COL23A1: variants seen among roughly 807,000 people sequenced by gnomAD.
COL23A1 encodes collagen alpha-1(XXIII) chain.
A neutral mutation model predicts 99.3 loss-of-function variants in COL23A1; 97 were observed. The observed-to-expected ratio is 0.98, with a 90% CI of 0.83 to 1.16. The LOEUF is 1.16. Among genes scored for constraint, COL23A1 ranks in the 50% most tolerant of loss-of-function variants. The pLI, the probability that COL23A1 is intolerant of heterozygous loss-of-function variation, is 0.00. For synonymous variants in COL23A1, 320 were observed against 308.2 expected (o/e 1.04, Z -0.40); for missense variants, 762 against 757.4 (o/e 1.01, Z -0.07).
At chr5:178,378,885 C>T (rs930329749) in intron 2 of COL23A1, among the ~76,000 whole-genome samples, 2 of 152,162 alleles carry the variant, frequency 1.3e-5, no homozygotes, top group African/African-American at 4.8e-5. Flanking sequence ...AGGCTCCACA[C>T]AGAGACCCCA....
intron 1 of COL23A1, among the ~76,000 whole-genome samples, chr5:178,581,874 A>G (rs1763677587): frequency 6.6e-6 from 1 of 152,166 alleles, no homozygotes; most frequent in Admixed American, 6.6e-5. Context: ...AGCAAGGTAA[A>G]AATGGTATGC....
intron 2 of COL23A1, among the ~76,000 whole-genome samples, chr5:178,499,725 T>C (rs549499695): frequency 1.4e-4 from 22 of 152,354 alleles, no homozygotes; most frequent in African/African-American, 5.3e-4. Flanking sequence ...AATGAAAGCA[T>C]GTGTTCATAC....
intron 4 of COL23A1, among the ~76,000 whole-genome samples, chr5:178,289,029 T>C (rs1409748113): frequency 6.6e-6 from 1 of 151,758 alleles, no homozygotes; most frequent in Non-Finnish European, 1.5e-5. Flanking sequence ...CTTCAGCAAG[T>C]TCACACACGC....
Position 178,514,672 on chromosome 5 carries a change from C to A in COL23A1, c.361+46010G>T, listed in dbSNP as rs554183868. Among the ~76,000 whole-genome samples, 3 of 152,300 alleles carry A rather than the reference C, an allele frequency of 2.0e-5. No homozygotes were observed. In the South Asian group the frequency reaches 6.2e-4, roughly 32 times the overall value. ...CTGACACAGCAGCCTGCTGCCCCGA[C>A]AATGCACAAAGGGGCCACTTTGGGA... On this transcript the variant is annotated intron_variant, in intron 2 of 28. Transcript: ENST00000390654.
chr5:178,521,163 T>C (rs1759918828), intron 2 of COL23A1, among the ~76,000 whole-genome samples: 1 of 152,236 alleles, frequency 6.6e-6, no homozygotes, highest in South Asian at 2.1e-4. Context: ...ATAAATATGG[T>C]ATTATAATCT....
rs72819093 is a variant in COL23A1 at position 178,307,541 on chromosome 5, A to G, written c.362-622T>C. Among the ~76,000 whole-genome samples the G allele has an allele frequency of 0.081, 12,362 of 152,202 alleles. 1,047 individuals are homozygous for G. The highest frequency in any genetic ancestry group is 0.22 in the African/African-American group (9,042 of 41,512). On this transcript the variant is annotated intron_variant, in intron 2 of 28. Transcript: ENST00000390654. This position sits in a 1 kb window ranked among gnomAD's most constrained non-coding sequence, Gnocchi z 4.2. Reference sequence around the variant, plus strand: ...CACGTCTGTCCTCCATCCGCGCGCTATAAGCCCTTCTGAATTTACGGTGCA... The same window carrying G: ...CACGTCTGTCCTCCATCCGCGCGCTGTAAGCCCTTCTGAATTTACGGTGCA...
chr5:178,299,439 T>A (rs1757916129), intron 3 of COL23A1, among the ~76,000 whole-genome samples: 1 of 152,204 alleles, frequency 6.6e-6, no homozygotes, highest in East Asian at 1.9e-4. Context: ...GGCATACAAT[T>A]GTTACTAGTG....
At chr5:178,530,843 T>C (rs1039525983) in intron 2 of COL23A1, among the ~76,000 whole-genome samples, 2 of 152,194 alleles carry the variant, frequency 1.3e-5, no homozygotes, top group Admixed American at 6.5e-5. Flanking sequence ...TGAGCCCTAA[T>C]GAAATAGAAG....
intron 3 of COL23A1, among the ~76,000 whole-genome samples, chr5:178,298,418 G>A (rs549371422): frequency 6.6e-6 from 1 of 152,300 alleles, no homozygotes; most frequent in Admixed American, 6.5e-5. Context: ...TTCCCAAAGG[G>A]TGTGTCCAGC....
chr5:178,426,020 C>T (rs1765913463), intron 2 of COL23A1, among the ~76,000 whole-genome samples: 1 of 152,190 alleles, frequency 6.6e-6, no homozygotes, highest in South Asian at 2.1e-4. Flanking sequence ...CCTCTATTCT[C>T]TCCACAGCAG....
At chr5:178,588,835 T>G (rs1305970318) in intron 1 of COL23A1, among the ~76,000 whole-genome samples, 1 of 152,122 alleles carries the variant, frequency 6.6e-6, no homozygotes, top group African/African-American at 2.4e-5. Flanking sequence ...TCTAGGGAAT[T>G]GGGGGTGTAC....
At chr5:178,529,647 AAGCCCAGAG>A (rs1441412558) in intron 2 of COL23A1, among the ~76,000 whole-genome samples, 2 of 152,186 alleles carry the variant, frequency 1.3e-5, no homozygotes, top group East Asian at 1.9e-4. Context: ...CCTCTGTGCC[AAGCCCAGAG>A]TGGACACGAG....
At chr5:178,543,336 A>G (rs1468364646) in intron 2 of COL23A1, among the ~76,000 whole-genome samples, 4 of 151,886 alleles carry the variant, frequency 2.6e-5, no homozygotes, top group Non-Finnish European at 5.9e-5. Flanking sequence ...TCAACTCCCA[A>G]CCTCAGGTGA....
chr5:178,391,117 T>C (rs1763941159), intron 2 of COL23A1, among the ~76,000 whole-genome samples: 1 of 152,188 alleles, frequency 6.6e-6, no homozygotes, highest in Non-Finnish European at 1.5e-5. Context: ...CATAGGAGCA[T>C]GAACCCTATT....
chr5:178,570,662 T>G (rs1035792711), intron 1 of COL23A1, among the ~76,000 whole-genome samples: 17 of 152,268 alleles, frequency 1.1e-4, no homozygotes, highest in African/African-American at 4.1e-4. Context: ...ATTTTGAAGA[T>G]GCTAGGGACA....
chr5:178,479,975 T>C (rs1369788173), intron 2 of COL23A1, among the ~76,000 whole-genome samples: 1 of 152,042 alleles, frequency 6.6e-6, no homozygotes, highest in Non-Finnish European at 1.5e-5. Context: ...GTACAGCCTG[T>C]TACTGTGCTG....
chr5:178,560,850 C>T (rs2113566777), intron 1 of COL23A1, 102 bp from the exon 2 acceptor site: 3 of 1,113,898 alleles, frequency 2.7e-6, no homozygotes, highest in East Asian at 2.6e-5. Flanking sequence ...GTATCTAAAC[C>T]ATCTACAGTG....
Position 178,286,620 on chromosome 5 carries a change from G to A in COL23A1, c.441+1704C>T, listed in dbSNP as rs377443000. On this transcript the variant is annotated intron_variant, in intron 5 of 28. Coordinates refer to ENST00000390654, the MANE Select transcript of COL23A1 (RefSeq NM_173465.4). The stretch of plus-strand genomic sequence containing the variant: ...AGTGAGCTGCAGAGATGAGAGCCAC[G>A]CCCAGCTACTCCATCCGCACCCAGC... 2.6e-5 allele frequency among the ~76,000 whole-genome samples: 4 copies of A among 152,312 alleles called. No individual in the cohort carries two copies. In the East Asian group the frequency reaches 5.8e-4, roughly 22 times the overall value.
chr5:178,480,509 A>T (rs1757277666), intron 2 of COL23A1, among the ~76,000 whole-genome samples: 1 of 152,200 alleles, frequency 6.6e-6, no homozygotes, highest in Non-Finnish European at 1.5e-5. Flanking sequence ...ATTGCAACCC[A>T]GTTTGAAAGC....
Sources: allele counts gnomAD v4.1 joint callset (sites outside exome capture counted in the v4.1 genomes callset), GRCh38; gene constraint gnomAD v4.1.1; non-coding constraint Gnocchi (gnomAD v3.1); transcripts MANE v1.5; gene names NCBI Gene and HGNC (gene_info 2026-07-23, HGNC 2026-07-21).